The following RIMS1 variants were observed in gnomAD, a reference collection of about 807,000 sequenced individuals.
The protein encoded by RIMS1 is regulating synaptic membrane exocytosis 1.
RIMS1 carries 83 observed loss-of-function variants against 214.1 expected under a neutral mutation model. The observed-to-expected ratio is 0.39, with a 90% confidence interval of 0.32 to 0.47. The LOEUF (loss-of-function observed/expected upper bound fraction) is 0.47. RIMS1 is among the 20% of genes least tolerant of loss of function. RIMS1 has a pLI of 0.99. For synonymous variants in RIMS1, 793 were observed against 786.8 expected (o/e 1.01, Z -0.13); for missense variants, 2,050 against 2,161.8 (o/e 0.95, Z 1.03).
At position 72,401,335 on chromosome 6, in the gene RIMS1, A is replaced by G. The variant is rs1465161554; in HGVS notation, c.*621A>G. ...GAAGTAGTCTCTGTAGCATCTCCCC[A>G]AAGTGTTAAACAGCTACATAAGGTG... On this transcript the variant is annotated 3_prime_UTR_variant, in exon 34 of 34. Transcript: ENST00000521978. 1 of 152,644 alleles carries G rather than the reference A, an allele frequency of 6.6e-6. No homozygotes were observed. Among genetic ancestry groups the G allele is most frequent in the Non-Finnish European group, 1.5e-5 (1 of 68,076 alleles). The allele number at this position is 152,644 out of a possible 1,614,324, so 9.5% of individuals were successfully genotyped here.
At chr6:72,224,811 G>A (rs1321397927) in intron 6 of RIMS1, among the ~76,000 whole-genome samples, 1 of 152,166 alleles carries the variant, frequency 6.6e-6, no homozygotes, top group East Asian at 1.9e-4. Context: ...ACAGTTGAAA[G>A]AACATGACTT....
intron 31 of RIMS1, among the ~76,000 whole-genome samples, chr6:72,396,122 T>C (rs1018107613): frequency 2.6e-5 from 4 of 151,962 alleles, no homozygotes; most frequent in Non-Finnish European, 5.9e-5. Flanking sequence ...TGAAAACTAA[T>C]ATAATTGATC....
intron 4 of RIMS1, among the ~76,000 whole-genome samples, chr6:72,101,738 G>C (rs1209979480): frequency 6.6e-6 from 1 of 151,842 alleles, no homozygotes; most frequent in African/African-American, 2.4e-5. Flanking sequence ...GTGATATGAA[G>C]TCCTAAGAAT....
At chr6:72,109,920 G>A (rs2035673774) in intron 4 of RIMS1, among the ~76,000 whole-genome samples, 3 of 152,006 alleles carry the variant, frequency 2.0e-5, no homozygotes, top group Non-Finnish European at 2.9e-5. Flanking sequence ...TTCTACATAT[G>A]GCTAGCCAGT....
rs763952135 is a variant in RIMS1 at position 72,399,016 on chromosome 6, A to G, written c.4782A>G (p.Arg1594=). Residue 1594 remains arginine (R), a synonymous_variant, in exon 33 of 34, where the codon AGA becomes AGG. Transcript: ENST00000521978. ...CCTGTATAGCCAAGAAGAAGACAAGAATTGCACGAAAAACCCTTGATCCTT... is the reference window on the plus strand; with the variant it reads ...CCTGTATAGCCAAGAAGAAGACAAGGATTGCACGAAAAACCCTTGATCCTT... ...NGACIAKKKT[R]IARKTLDPLY... is the part of the protein sequence containing the mutation. The G allele has an allele frequency of 6.2e-7, 1 of 1,610,768 alleles. No homozygotes were observed. Among genetic ancestry groups the G allele is most frequent in the African/African-American group, 1.3e-5 (1 of 74,846 alleles).
chr6:72,114,662 T>G (rs1235965008), intron 4 of RIMS1, among the ~76,000 whole-genome samples: 2 of 151,972 alleles, frequency 1.3e-5, no homozygotes, highest in African/African-American at 4.8e-5. Flanking sequence ...CAGTGAACTT[T>G]GAATGAATGA....
intron 28 of RIMS1, among the ~76,000 whole-genome samples, chr6:72,315,063 T>A (rs1451760673): frequency 6.6e-6 from 1 of 152,142 alleles, no homozygotes; most frequent in Non-Finnish European, 1.5e-5. Flanking sequence ...TGTGATTTCT[T>A]TTAGAAAGAA....
Position 72,402,895 on chromosome 6 carries a change from G to C in RIMS1, c.*2181G>C, listed in dbSNP as rs539986199. 6.5e-6 allele frequency: 1 copy of C among 152,774 alleles called. No homozygotes were observed. The highest frequency in any genetic ancestry group is 1.5e-5 in the Non-Finnish European group (1 of 68,098). The allele number at this position is 152,774 out of a possible 1,614,324, so 9.5% of individuals were successfully genotyped here. On this transcript the variant is annotated 3_prime_UTR_variant, in exon 34 of 34. Coordinates refer to ENST00000521978, the MANE Select transcript of RIMS1 (RefSeq NM_014989.7). ...GGGAGCCAGGCCATGGGAAGGGGAG[G>C]CTGGGGTTTGTTGTCTGCTGCGGGC... is the stretch of plus-strand genomic sequence containing the variant.
chr6:71,974,739 C>T (rs912128619), intron 2 of RIMS1, among the ~76,000 whole-genome samples: 1 of 152,162 alleles, frequency 6.6e-6, no homozygotes, highest in African/African-American at 2.4e-5. Flanking sequence ...AATTTAGGCA[C>T]TAAGGCAGGT....
rs191787210 is a variant in RIMS1 at position 72,156,044 on chromosome 6, A to G, written c.472-23531A>G. 114 of 356,534 alleles carry G rather than the reference A, an allele frequency of 3.2e-4. 12 individuals are homozygous for G. In the East Asian group the frequency reaches 9.1e-3, roughly 29 times the overall value. 22.1% of individuals were successfully genotyped at this position (356,534 alleles called of 1,614,324 possible). A position where few individuals can be genotyped will look rare whatever the true frequency, so the allele number is the denominator to read the frequency against. On this transcript the variant is annotated intron_variant, in intron 4 of 33. Transcript: ENST00000521978. ...AGGAATGTAAATTGACATAGCCACT[A>G]TGGAAAACAGTATGGAGTTCCCTCA...
intron 2 of RIMS1, among the ~76,000 whole-genome samples, chr6:71,971,503 A>T (rs1795844187): frequency 6.6e-6 from 1 of 152,222 alleles, no homozygotes; most frequent in African/African-American, 2.4e-5. Context: ...TGGGTGACTA[A>T]GAGCCACTAC....
chr6:72,316,753 C>A lies in RIMS1; in HGVS notation c.4130+3081C>A, dbSNP rs909321254. ...CCTGGGGGCCCTCTGGTTTCAGAGG[C>A]CACTCCCTAGTAGGCAGGGCCAGTT... is the stretch of plus-strand genomic sequence containing the variant. On this transcript the variant is annotated intron_variant, in intron 28 of 33. Coordinates refer to ENST00000521978, the MANE Select transcript of RIMS1 (RefSeq NM_014989.7). 1.3e-5 allele frequency: 9 copies of A among 672,210 alleles called. No homozygotes were observed. The African/African-American group carries it at 1.6e-4, about 12-fold the overall frequency. 41.6% of individuals were successfully genotyped at this position (672,210 alleles called of 1,614,324 possible). A position where few individuals can be genotyped will look rare whatever the true frequency, so the allele number is the denominator to read the frequency against.
chr6:72,256,097 C>T (rs754519215), intron 16 of RIMS1, among the ~76,000 whole-genome samples: 4 of 149,910 alleles, frequency 2.7e-5, no homozygotes, highest in South Asian at 2.1e-4. Context: ...TCAACAATAA[C>T]GTAAACATAA....
intron 1 of RIMS1, among the ~76,000 whole-genome samples, chr6:71,936,629 T>C (rs1784547369): frequency 6.6e-6 from 1 of 152,214 alleles, no homozygotes; most frequent in South Asian, 2.1e-4. Flanking sequence ...TTTTGTGTTT[T>C]TATGTTGGAA....
intron 22 of RIMS1, among the ~76,000 whole-genome samples, chr6:72,274,019 A>G (rs1008418852): frequency 4.6e-5 from 7 of 152,200 alleles, no homozygotes; most frequent in African/African-American, 7.2e-5. Flanking sequence ...AAGAACTTAA[A>G]GTTACATTAA....
chr6:71,947,184 A>G (rs1788099618), intron 1 of RIMS1, among the ~76,000 whole-genome samples: 1 of 152,100 alleles, frequency 6.6e-6, no homozygotes, highest in Admixed American at 6.6e-5. Context: ...TTTTCTCTCC[A>G]GCAATGCCAC....
intron 2 of RIMS1, among the ~76,000 whole-genome samples, chr6:72,095,576 T>G (rs1230121692): frequency 6.6e-6 from 1 of 152,326 alleles, no homozygotes; most frequent in East Asian, 1.9e-4. Context: ...CTTTAATTAT[T>G]GGAATTAAAT....
intron 1 of RIMS1, among the ~76,000 whole-genome samples, chr6:71,925,936 A>T (rs1781453740): frequency 6.6e-6 from 1 of 152,252 alleles, no homozygotes. Flanking sequence ...AAGTTAACAT[A>T]TCATGAATAG....
Position 71,982,827 on chromosome 6 carries a change from A to C in RIMS1, c.245+13764A>C, listed in dbSNP as rs572645925. 2.6e-5 allele frequency among the ~76,000 whole-genome samples: 4 copies of C among 152,116 alleles called. No homozygotes were observed. The East Asian group carries it at 7.7e-4, about 29-fold the overall frequency. ...ATTCATCCCACCCAGCTTTGCTCAG[A>C]GCACCTGCCCTCTCTGAAGGCCTTT... On this transcript the variant is annotated intron_variant, in intron 2 of 33. Transcript: ENST00000521978.
Sources: allele counts gnomAD v4.1 joint callset (sites outside exome capture counted in the v4.1 genomes callset), GRCh38; gene constraint gnomAD v4.1.1; transcripts MANE v1.5; gene names NCBI Gene and HGNC (gene_info 2026-07-23, HGNC 2026-07-21).